GPC6: variants seen among roughly 807,000 people sequenced by gnomAD.
GPC6 encodes the protein glypican-6.
Under a neutral mutation model 55.2 loss-of-function variants are expected in GPC6, and 14 were observed. The ratio of observed to expected loss-of-function variants is 0.25; its 90% CI spans 0.17 to 0.40. GPC6 has a LOEUF of 0.40. GPC6 is among the 10% of genes least tolerant of loss of function. GPC6 has a pLI of 1.00. For synonymous variants in GPC6, 278 were observed against 259.6 expected, an observed-to-expected ratio of 1.07 and a Z score of -0.68; for missense variants, 641 against 708.5, an observed-to-expected ratio of 0.90 and a Z score of 1.08.
At chr13:93,634,255 G>A (rs7990128) in intron 2 of GPC6, among the ~76,000 whole-genome samples, 48,897 of 151,974 alleles carry the variant, frequency 0.32, 8,052 homozygotes, top group African/African-American at 0.38. Flanking sequence ...AAAACCTCAG[G>A]ATGTCAAAGT....
chr13:93,354,668 G>T (rs1880779122), intron 1 of GPC6, among the ~76,000 whole-genome samples: 1 of 150,640 alleles, frequency 6.6e-6, no homozygotes, highest in African/African-American at 2.5e-5. Context: ...CCAGCCTTCT[G>T]TTGGTAGATT....
At chr13:93,331,324 A>T (rs1879835523) in intron 1 of GPC6, among the ~76,000 whole-genome samples, 1 of 147,986 alleles carries the variant, frequency 6.8e-6, no homozygotes, top group African/African-American at 2.5e-5. Context: ...AAAATTATCC[A>T]TTCTCACTGA....
At chr13:94,244,230 G>T (rs900905592) in intron 4 of GPC6, among the ~76,000 whole-genome samples, 2 of 152,046 alleles carry the variant, frequency 1.3e-5, no homozygotes, top group Non-Finnish European at 2.9e-5. Flanking sequence ...TCTAAAAACC[G>T]CATTTGATCA....
intron 3 of GPC6, among the ~76,000 whole-genome samples, chr13:94,006,059 A>G (rs1882006885): frequency 6.6e-6 from 1 of 152,196 alleles, no homozygotes; most frequent in African/African-American, 2.4e-5. Context: ...GCTACAGTAA[A>G]TGAACATGAC....
At chr13:93,734,590 T>A (rs1883933732) in intron 2 of GPC6, among the ~76,000 whole-genome samples, 1 of 152,210 alleles carries the variant, frequency 6.6e-6, no homozygotes, top group South Asian at 2.1e-4. Context: ...TAGACATTTT[T>A]ACCAACTTAT....
At chr13:93,933,173 G>A (rs2389077) in intron 3 of GPC6, among the ~76,000 whole-genome samples, 46,934 of 151,678 alleles carry the variant, frequency 0.31, 7,500 homozygotes, top group Middle Eastern at 0.43. Context: ...AGTTAATATA[G>A]AGCAGTGGTT....
chr13:93,322,298 G>C (rs181602243), intron 1 of GPC6, among the ~76,000 whole-genome samples: 214 of 151,630 alleles, frequency 1.4e-3, no homozygotes, highest in African/African-American at 4.7e-3. Context: ...CTCTCTCTTT[G>C]TTCACCCTCC....
intron 4 of GPC6, among the ~76,000 whole-genome samples, chr13:94,264,823 A>G (rs747321266): frequency 3.9e-5 from 6 of 152,274 alleles, no homozygotes; most frequent in Non-Finnish European, 5.9e-5. Context: ...ACAGTTCCAC[A>G]TGGCTGGAGA....
At chr13:93,219,598 T>G in the GPC6 span, among the ~76,000 whole-genome samples, 1 of 152,346 alleles carries the variant, frequency 6.6e-6, no homozygotes, top group African/African-American at 2.4e-5. Context: ...TAATTTTTTT[T>G]GCTAGTATCT....
intron 1 of GPC6, among the ~76,000 whole-genome samples, chr13:93,497,368 AT>A (rs1321278693): frequency 6.6e-6 from 1 of 152,222 alleles, no homozygotes; most frequent in Non-Finnish European, 1.5e-5. Flanking sequence ...AGGTCATAAA[AT>A]AAAGGATTAC....
intron 4 of GPC6, among the ~76,000 whole-genome samples, chr13:94,039,949 GA>G (rs1883472936): frequency 6.6e-6 from 1 of 151,882 alleles, no homozygotes; most frequent in East Asian, 1.9e-4. Flanking sequence ...GCAAATATGA[GA>G]ATGCTTAACA....
chr13:93,532,398 G>A (rs751398809), intron 1 of GPC6, among the ~76,000 whole-genome samples: 2 of 151,984 alleles, frequency 1.3e-5, no homozygotes, highest in Non-Finnish European at 2.9e-5. Context: ...TTGAGACAGC[G>A]CTTTAAAATG....
At chr13:93,315,973 CTT>C (rs1236494100) in intron 1 of GPC6, among the ~76,000 whole-genome samples, 3 of 151,986 alleles carry the variant, frequency 2.0e-5, no homozygotes, top group Non-Finnish European at 2.9e-5. Flanking sequence ...TATGTGCTGT[CTT>C]TTGTTCATGC....
intron 4 of GPC6, among the ~76,000 whole-genome samples, chr13:94,270,525 T>A (rs1423567490): frequency 5.3e-5 from 8 of 152,240 alleles, no homozygotes; most frequent in Non-Finnish European, 1.2e-4. Flanking sequence ...AGTTAACATC[T>A]GAAAGGAAGT....
At chr13:93,365,774 G>A (rs1314371601) in intron 1 of GPC6, among the ~76,000 whole-genome samples, 1 of 151,948 alleles carries the variant, frequency 6.6e-6, no homozygotes, top group Non-Finnish European at 1.5e-5. Context: ...CACTTTACAT[G>A]GTAGACTCCT....
At chr13:93,368,409 C>A (rs1881338664) in intron 1 of GPC6, among the ~76,000 whole-genome samples, 1 of 148,738 alleles carries the variant, frequency 6.7e-6, no homozygotes, top group South Asian at 2.1e-4. Flanking sequence ...TCCTTCCTTC[C>A]TTCCTTCCAT....
At chr13:93,269,867 G>A (rs1344018052) in intron 1 of GPC6, among the ~76,000 whole-genome samples, 2 of 145,828 alleles carry the variant, frequency 1.4e-5, no homozygotes, top group African/African-American at 5.1e-5. Flanking sequence ...ACTCCAGCCT[G>A]GGCGACAGAG....
At chr13:93,522,339 G>C (rs1056327417) in intron 1 of GPC6, among the ~76,000 whole-genome samples, 2 of 151,880 alleles carry the variant, frequency 1.3e-5, no homozygotes, top group Admixed American at 6.6e-5. Flanking sequence ...GAATAATCCA[G>C]TTTTGTGTTC....
At chr13:93,307,290 A>G (rs776085707) in intron 1 of GPC6, among the ~76,000 whole-genome samples, 9 of 152,276 alleles carry the variant, frequency 5.9e-5, no homozygotes, top group Non-Finnish European at 1.2e-4. Flanking sequence ...GCCTGTGAAA[A>G]GTGAATCATG....
Sources: gnomAD v4.1 joint callset for allele counts (sites outside exome capture counted in the v4.1 genomes callset) on GRCh38, gnomAD v4.1.1 for gene constraint, MANE v1.5 for transcripts, NCBI Gene and HGNC (gene_info 2026-07-23, HGNC 2026-07-21) for gene names.